Variants in CDYL observed in about 807,000 individuals in gnomAD.
The protein encoded by CDYL is chromodomain Y-like protein.
In CDYL, 8 loss-of-function variants were observed where a neutral mutation model predicts 47.3. That is an observed-to-expected ratio of 0.17 (90% CI 0.10 to 0.31). The LOEUF is 0.31. Ranked by LOEUF, CDYL falls within the 10% of genes least tolerant of loss-of-function variation. CDYL has a pLI of 1.00. For synonymous variants in CDYL, 266 were observed against 265.0 expected (o/e 1.00, Z -0.04); for missense variants, 471 against 701.4 (o/e 0.67, Z 3.71).
intron 1 of CDYL, among the ~76,000 whole-genome samples, chr6:4,871,491 A>C (rs944882994): frequency 1.3e-5 from 2 of 152,194 alleles, no homozygotes; most frequent in Non-Finnish European, 2.9e-5. Flanking sequence ...GGTTCAATAA[A>C]TATTGCTATA....
rs9405782 is a variant in CDYL at position 4,885,117 on chromosome 6, C to T, written c.25-6596C>T. 4.9e-4 allele frequency among the ~76,000 whole-genome samples: 74 copies of T among 152,156 alleles called. No individual in the cohort carries two copies. The East Asian group carries it at 0.014, about 28-fold the overall frequency. On this transcript the variant is annotated intron_variant, in intron 1 of 6. Coordinates refer to ENST00000397588, the MANE Select transcript of CDYL (RefSeq NM_004824.4). ...CAAGTAATCCTCCTACCTCAGCCTC[C>T]CAGGTAGCTGGGATTACAAGTGTAC...
intron 2 of CDYL, among the ~76,000 whole-genome samples, chr6:4,726,496 C>T (rs9405769): frequency 0.14 from 20,704 of 148,484 alleles, 1,873 homozygotes; most frequent in African/African-American, 0.27. Flanking sequence ...CGCACCATTG[C>T]ACTCCAGCCT....
intron 2 of CDYL, among the ~76,000 whole-genome samples, chr6:4,716,444 C>CAGTGGTT (rs1228837910): frequency 6.6e-6 from 1 of 152,062 alleles, no homozygotes; most frequent in Admixed American, 6.6e-5. Context: ...CATTTCATTG[C>CAGTGGTT]AGTGGTTAGT....
At chr6:4,805,388 G>T (rs1370017989) in intron 1 of CDYL, among the ~76,000 whole-genome samples, 1 of 152,236 alleles carries the variant, frequency 6.6e-6, no homozygotes, top group Admixed American at 6.5e-5. Context: ...AGGGCTCAGA[G>T]CCACACTGGT....
At chr6:4,907,083 C>T (rs1396531021) in intron 2 of CDYL, among the ~76,000 whole-genome samples, 1 of 152,146 alleles carries the variant, frequency 6.6e-6, no homozygotes, top group African/African-American at 2.4e-5. Flanking sequence ...CCTGGGGTGG[C>T]ACCTCGCCAC....
intron 1 of CDYL, among the ~76,000 whole-genome samples, chr6:4,799,597 C>T (rs1310343552): frequency 6.6e-6 from 1 of 152,088 alleles, no homozygotes; most frequent in African/African-American, 2.4e-5. Flanking sequence ...AGGTGTGTGC[C>T]ACCACACCCA....
In CDYL at chr6:4,931,902, G is replaced by A. The variant is rs1357472042; in HGVS notation, c.692-3613G>A. On this transcript the variant is annotated intron_variant, in intron 2 of 6. Transcript: ENST00000397588. The stretch of plus-strand genomic sequence containing the variant: ...TTTTAAATTAGCAGAACCACGGATA[G>A]TTCGTAGGGACTATCGCCTCAAAGA... Among the ~76,000 whole-genome samples the A allele has an allele frequency of 2.0e-5, 3 of 152,210 alleles. 1 individual carries two copies. The highest frequency in any genetic ancestry group is 4.1e-4 in the South Asian group (2 of 4,826).
chr6:4,843,917 C>T (rs1180543470), intron 1 of CDYL, among the ~76,000 whole-genome samples: 1 of 152,008 alleles, frequency 6.6e-6, no homozygotes, highest in Non-Finnish European at 1.5e-5. Flanking sequence ...GTTGTATGAC[C>T]CAGAATTGCT....
At chr6:4,880,753 T>C (rs1295537236) in intron 1 of CDYL, among the ~76,000 whole-genome samples, 1 of 152,242 alleles carries the variant, frequency 6.6e-6, no homozygotes, top group African/African-American at 2.4e-5. Flanking sequence ...ATCTCAGTGT[T>C]GTATTAATTG....
intron 1 of CDYL, among the ~76,000 whole-genome samples, chr6:4,834,484 T>G: frequency 6.7e-6 from 1 of 150,174 alleles, no homozygotes; most frequent in Non-Finnish European, 1.5e-5. Context: ...TAACCCGACC[T>G]TTCTCTCTGG....
chr6:4,907,915 G>A (rs934830854), intron 2 of CDYL, among the ~76,000 whole-genome samples: 10 of 152,016 alleles, frequency 6.6e-5, no homozygotes, highest in East Asian at 1.9e-4. Context: ...TGTCCTAAAC[G>A]TCTCTGTTAG....
chr6:4,707,399 T>TTC (rs1757066540), intron 1 of CDYL, among the ~76,000 whole-genome samples: 1 of 152,218 alleles, frequency 6.6e-6, no homozygotes, highest in Non-Finnish European at 1.5e-5. Context: ...TGCCTCAGCC[T>TTC]CCTGAGTAGC....
At chr6:4,717,865 G>A (rs980366187) in intron 2 of CDYL, among the ~76,000 whole-genome samples, 2 of 119,522 alleles carry the variant, frequency 1.7e-5, no homozygotes, top group Non-Finnish European at 3.6e-5. Flanking sequence ...TTCCTTTTTT[G>A]AGACAGGGTC....
intron 3 of CDYL, among the ~76,000 whole-genome samples, chr6:4,746,398 G>A (rs1404539219): frequency 6.6e-6 from 1 of 151,802 alleles, no homozygotes; most frequent in East Asian, 1.9e-4. Context: ...TAGCTGCAGG[G>A]TAGAGAATGG....
intron 3 of CDYL, among the ~76,000 whole-genome samples, chr6:4,765,933 G>A (rs1023297925): frequency 1.3e-5 from 2 of 151,952 alleles, no homozygotes; most frequent in Non-Finnish European, 2.9e-5. Context: ...TGATAGAAGT[G>A]TAATTAAATA....
chr6:4,769,963 ATTTGTGTG>A (rs1282840608), intron 3 of CDYL, among the ~76,000 whole-genome samples: 3 of 113,534 alleles, frequency 2.6e-5, no homozygotes, highest in East Asian at 2.4e-4. Flanking sequence ...CGCCCGGCTA[ATTTGTGTG>A]TGTGTGTGTG....
chr6:4,912,407 T>G (rs1757440818), intron 2 of CDYL, among the ~76,000 whole-genome samples: 1 of 152,242 alleles, frequency 6.6e-6, no homozygotes, highest in Non-Finnish European at 1.5e-5. Context: ...CTGCAGTGGC[T>G]CCTTGGGAGA....
chr6:4,724,213 GTAT>G (rs1403747555), intron 2 of CDYL, among the ~76,000 whole-genome samples: 1 of 147,380 alleles, frequency 6.8e-6, no homozygotes, highest in Non-Finnish European at 1.5e-5. Flanking sequence ...GCTAATTTTT[GTAT>G]TTTTTTTTTT....
intron 1 of CDYL, among the ~76,000 whole-genome samples, chr6:4,886,162 T>G (rs1379021049): frequency 2.0e-5 from 3 of 152,226 alleles, no homozygotes; most frequent in Non-Finnish European, 4.4e-5. Context: ...GACATTCGGA[T>G]TGTTTCTACT....
Sources: allele counts gnomAD v4.1 joint callset (sites outside exome capture counted in the v4.1 genomes callset), GRCh38; gene constraint gnomAD v4.1.1; transcripts MANE v1.5; gene names NCBI Gene and HGNC (gene_info 2026-07-23, HGNC 2026-07-21).